EFNA1: variants seen among roughly 807,000 people sequenced by gnomAD.
EFNA1 encodes the protein ephrin A1.
EFNA1 carries 8 observed loss-of-function variants against 23.2 expected under a neutral mutation model. The ratio of observed to expected loss-of-function variants is 0.34; its 90% CI spans 0.20 to 0.62. EFNA1 has a LOEUF of 0.62. EFNA1 is among the 20% of genes least tolerant of loss of function. EFNA1 has a pLI of 0.75. For missense variants in EFNA1, 217 were observed against 260.0 expected (o/e 0.83, Z 1.14); for synonymous variants, 89 against 98.6 (o/e 0.90, Z 0.58).
intron 1 of EFNA1, chr1:155,130,785 G>C (rs933685636): frequency 3.2e-5 from 32 of 984,836 alleles, no homozygotes; most frequent in Non-Finnish European, 3.7e-5. Context: ...AGTGAAGCTG[G>C]GAAATGTGAG....
rs1394160449 is a variant in EFNA1, at chr1:155,127,943, C to T, written c.-35C>T. 6.3e-6 allele frequency: 10 copies of T among 1,576,824 alleles called. No individual in the cohort carries two copies. Among genetic ancestry groups the T allele is most frequent in the Non-Finnish European group, 8.7e-6 (10 of 1,151,468 alleles). On this transcript the variant is annotated 5_prime_UTR_variant, in exon 1 of 5. Coordinates refer to ENST00000368407, the MANE Select transcript of EFNA1 (RefSeq NM_004428.3). The surrounding 1 kb of genome is among the most constrained non-coding windows in gnomAD (Gnocchi z 4.4). ...GTGGGAACCCAGACCCATAGGAGAC[C>T]CGCGTCCCCGCTCGGCCTGGCCAGG...
intron 3 of EFNA1, 50 bp downstream of exon 3, chr1:155,133,618 G>A (rs1170707491): frequency 3.1e-6 from 5 of 1,611,068 alleles, no homozygotes; most frequent in Middle Eastern, 1.7e-4. Context: ...TATGCTGGGT[G>A]CGGTCTAGTG....
intron 1 of EFNA1, chr1:155,130,418 GC>G: frequency 2.5e-6 from 2 of 790,016 alleles, no homozygotes; most frequent in Non-Finnish European, 3.1e-6. Context: ...AGCCGGTGGG[GC>G]CAGGGGGAAT....
chr1:155,130,477 G>C, intron 1 of EFNA1: 1 of 977,236 alleles, frequency 1.0e-6, no homozygotes, highest in Non-Finnish European at 1.2e-6. Context: ...GGGGAGAGGA[G>C]GGGAGAGGGG....
Position 155,131,385 on chromosome 1 carries a change from G to A in EFNA1, c.139G>A (p.Val47Met), listed in dbSNP as rs376157103. 5.1e-5 allele frequency: 83 copies of A among 1,613,954 alleles called. No homozygotes were observed. The highest frequency in any genetic ancestry group is 6.8e-5 in the Non-Finnish European group (80 of 1,179,956). The change falls in exon 2 of 5, where the codon GTG becomes ATG. Residue 47 changes from valine (V) to methionine (M), a missense_variant. Transcript: ENST00000368407. ...YTIHVQLNDY[V>M]DIICPHYEDH... Reference sequence around the variant, plus strand: ...CATACATGTGCAGCTGAATGACTACGTGGACATCATCTGTCCGCACTATGA... The same window carrying A: ...CATACATGTGCAGCTGAATGACTACATGGACATCATCTGTCCGCACTATGA...
intron 1 of EFNA1, chr1:155,131,095 A>G (rs1664231546): frequency 7.6e-7 from 1 of 1,323,864 alleles, no homozygotes; most frequent in Non-Finnish European, 9.6e-7. Flanking sequence ...TTGGTACCCG[A>G]AAGATACTGA....
chr1:155,130,426 G>T (rs1278095520), intron 1 of EFNA1: 1 of 831,132 alleles, frequency 1.2e-6, no homozygotes, highest in Non-Finnish European at 1.4e-6. Flanking sequence ...GGGCCAGGGG[G>T]AATGAACTAG....
intron 1 of EFNA1, among the ~76,000 whole-genome samples, chr1:155,128,709 AG>A (rs1664152165): frequency 1.3e-5 from 2 of 152,254 alleles, no homozygotes; most frequent in South Asian, 4.1e-4. Flanking sequence ...GAGCTGGGAG[AG>A]GGAGATCATG....
intron 1 of EFNA1, chr1:155,130,911 A>G (rs1664228036): frequency 2.0e-6 from 2 of 985,382 alleles, no homozygotes; most frequent in Non-Finnish European, 2.4e-6. Flanking sequence ...TTCTGATTAC[A>G]GAATGGACCT....
intron 1 of EFNA1, among the ~76,000 whole-genome samples, chr1:155,128,418 G>A (rs542735947): frequency 5.1e-4 from 76 of 150,434 alleles, no homozygotes; most frequent in Non-Finnish European, 7.5e-4. Flanking sequence ...CACTGTGAAA[G>A]CCTCCACGCC....
At chr1:155,130,411 C>G (rs933697006) in intron 1 of EFNA1, 5 of 718,696 alleles carry the variant, frequency 7.0e-6, no homozygotes, top group Non-Finnish European at 8.5e-6. Flanking sequence ...AGGCTGGAGC[C>G]GGTGGGGCCA....
At chr1:155,133,701 C>T (rs1664293903) in intron 3 of EFNA1, 29 bp from the exon 4 acceptor site, 2 of 1,613,344 alleles carry the variant, frequency 1.2e-6, no homozygotes, top group Non-Finnish European at 8.5e-7. Context: ...TGATACAGTA[C>T]CTGATCTACT....
rs200194706 is a variant in EFNA1, at chr1:155,128,049, C to T, written c.72C>T (p.Phe24=). 2 of 1,613,858 alleles carry T rather than the reference C, an allele frequency of 1.2e-6. No individual in the cohort carries two copies. Among genetic ancestry groups the T allele is most frequent in the Admixed American group, 3.3e-5 (2 of 60,026 alleles). Residue 24 remains phenylalanine, a synonymous_variant, in exon 1 of 5, where the codon TTC becomes TTT. Transcript: ENST00000368407. The stretch of plus-strand genomic sequence containing the variant: ...CCGCTGCTGATCGCCACACCGTCTT[C>T]TGGAACAGTTCAAATCCCAAGTAAG... ...SLAAADRHTV[F]WNSSNPKFRN... is the part of the protein sequence containing the mutation.
intron 1 of EFNA1, among the ~76,000 whole-genome samples, chr1:155,130,116 T>A (rs1664199394): frequency 6.6e-6 from 1 of 152,156 alleles, no homozygotes; most frequent in Non-Finnish European, 1.5e-5. Flanking sequence ...GCTGGCACGC[T>A]GCTGCAAAGC....
At position 155,130,791 on chromosome 1, in the gene EFNA1, G is replaced by A. The variant is rs561418437; in HGVS notation, c.93-548G>A. On this transcript the variant is annotated intron_variant, in intron 1 of 4. Transcript: ENST00000368407. ...TTGAGGAAAAGTGAAGCTGGGAAAT[G>A]TGAGATCTACTCAGTGGGTCCGGGG... 26 of 984,802 alleles carry A rather than the reference G, an allele frequency of 2.6e-5. No homozygotes were observed. In the South Asian group the frequency reaches 1.1e-3, roughly 43 times the overall value. The allele number at this position is 984,802 out of a possible 1,614,324, so 61.0% of individuals were successfully genotyped here. A position where few individuals can be genotyped will look rare whatever the true frequency, so the allele number is the denominator to read the frequency against.
intron 1 of EFNA1, 105 bp downstream of exon 1, chr1:155,128,174 G>A (rs898521483): frequency 1.1e-4 from 108 of 968,298 alleles, no homozygotes; most frequent in Middle Eastern, 1.1e-3. Context: ...GTAGATGACC[G>A]AGGTAGGAGG....
Position 155,134,232 on chromosome 1 carries a change from T to G in EFNA1, c.*165T>G, listed in dbSNP as rs2102474063. The G allele has an allele frequency of 1.5e-6, 1 of 682,144 alleles. No individual in the cohort carries two copies. The highest frequency in any genetic ancestry group is 2.5e-6 in the Non-Finnish European group (1 of 404,206). The allele number at this position is 682,144 out of a possible 1,614,324, so 42.3% of individuals were successfully genotyped here. Reference sequence around the variant, plus strand: ...CTCAAAACGGGTCAGTATTAAGGTTTTCAACCGGAAGGAGGCCAACCAGCC... The same window carrying G: ...CTCAAAACGGGTCAGTATTAAGGTTGTCAACCGGAAGGAGGCCAACCAGCC... On this transcript the variant is annotated 3_prime_UTR_variant, in exon 5 of 5. Coordinates refer to ENST00000368407, the MANE Select transcript of EFNA1 (RefSeq NM_004428.3).
At position 155,133,675 on chromosome 1, in the gene EFNA1, C is replaced by CA. The variant is rs996991159; in HGVS notation, c.455-54dup. 16 of 1,609,166 alleles carry CA rather than the reference C, an allele frequency of 9.9e-6. No individual in the cohort carries two copies. In the African/African-American group the frequency reaches 2.0e-4, roughly 20 times the overall value. ...TTGCAGCCCAGCCCACTCATACTTA[C>CA]AGCCCTCTGCCTCTTTGATACAGTA... On this transcript the variant is annotated intron_variant, in intron 3 of 4. Transcript: ENST00000368407.
At position 155,134,755 on chromosome 1, in the gene EFNA1, AG is replaced by A. The variant is rs1664342210; in HGVS notation, c.*689del. 6.3e-6 allele frequency: 1 copy of A among 158,114 alleles called. No homozygotes were observed. The highest frequency in any genetic ancestry group is 2.4e-5 in the African/African-American group (1 of 41,464). The allele number at this position is 158,114 out of a possible 1,614,324, so 9.8% of individuals were successfully genotyped here. On this transcript the variant is annotated 3_prime_UTR_variant, in exon 5 of 5. Coordinates refer to ENST00000368407, the MANE Select transcript of EFNA1 (RefSeq NM_004428.3). ...CCTAAAGGGCAGGGCCCACGTGTATAGTATCTGTATATAAGTTGCTGTGTGT... is the reference window on the plus strand; with the variant it reads ...CCTAAAGGGCAGGGCCCACGTGTATATATCTGTATATAAGTTGCTGTGTGT...
Sources: gnomAD v4.1 joint callset for allele counts (sites outside exome capture counted in the v4.1 genomes callset) on GRCh38, gnomAD v4.1.1 for gene constraint, Gnocchi (gnomAD v3.1) non-coding constraint, MANE v1.5 for transcripts, NCBI Gene and HGNC (gene_info 2026-07-23, HGNC 2026-07-21) for gene names.